The following KNL1 variants were observed in gnomAD, a reference collection of about 807,000 sequenced individuals.
KNL1 encodes kinetochore scaffold 1.
KNL1 carries 66 observed loss-of-function variants against 201.3 expected under a neutral mutation model. That is an observed-to-expected ratio of 0.33 (90% confidence interval 0.27 to 0.40). KNL1 has a LOEUF of 0.40. KNL1 is among the 10% of genes least tolerant of loss of function. KNL1 has a pLI of 1.00. For missense variants in KNL1, 2,815 were observed against 2,690.5 expected (o/e 1.05, Z -1.02); for synonymous variants, 895 against 899.2 (o/e 1.00, Z 0.08).
rs1567022435 is a variant in KNL1, at chr15:40,654,896, T to TG, written c.6416-11dup. The TG allele has an allele frequency of 1.2e-6, 2 of 1,604,872 alleles. No individual in the cohort carries two copies. Among genetic ancestry groups the TG allele is most frequent in the East Asian group, 4.5e-5 (2 of 44,842 alleles). ...AAAAAATTTTTAAAAATCATTATTCTGGTTCTTTCTAGTTGGTTTCCCTTT... is the reference window on the plus strand; with the variant it reads ...AAAAAATTTTTAAAAATCATTATTCTGGGTTCTTTCTAGTTGGTTTCCCTTT... On this transcript the variant is annotated splice_polypyrimidine_tract_variant and intron_variant, in intron 21 of 25. Coordinates refer to ENST00000399668, the MANE Select transcript of KNL1 (RefSeq NM_144508.5).
chr15:40,606,308 T>G, intron 3 of KNL1, 85 bp from the exon 4 acceptor site: 1 of 797,016 alleles, frequency 1.3e-6, no homozygotes. Flanking sequence ...AAATTTTAGC[T>G]TTCTACCTAT....
chr15:40,629,459 A>G, intron 13 of KNL1, 88 bp downstream of exon 13: 3 of 452,648 alleles, frequency 6.6e-6, no homozygotes, highest in East Asian at 1.5e-4. Context: ...AAATTTTCCT[A>G]TAGAGAGTTT....
At chr15:40,603,159 A>G (rs1412374115) in intron 2 of KNL1, among the ~76,000 whole-genome samples, 193 bp downstream of exon 2, 1 of 152,036 alleles carries the variant, frequency 6.6e-6, no homozygotes, top group Non-Finnish European at 1.5e-5. Context: ...TTACATATGT[A>G]TACATGTGCC....
At chr15:40,594,803 A>G (rs1891576415) in intron 1 of KNL1, among the ~76,000 whole-genome samples, 2 of 152,240 alleles carry the variant, frequency 1.3e-5, no homozygotes, top group Admixed American at 1.3e-4. Context: ...TTGGCTCTAA[A>G]TGAAGTGACA....
intron 1 of KNL1, among the ~76,000 whole-genome samples, chr15:40,597,000 C>CAAAAAA (rs35126045): frequency 1.1e-5 from 1 of 90,544 alleles, no homozygotes; most frequent in Non-Finnish European, 2.2e-5. Flanking sequence ...AACTCCATCT[C>CAAAAAA]AAAAAAAAAA....
chr15:40,639,234 C>T (rs576110354), intron 13 of KNL1, among the ~76,000 whole-genome samples: 11 of 148,364 alleles, frequency 7.4e-5, no homozygotes, highest in African/African-American at 2.7e-4. Context: ...GGAAGAGGAT[C>T]ACTTGATCTG....
intron 14 of KNL1, among the ~76,000 whole-genome samples, chr15:40,641,874 G>GTTTA (rs1893239731): frequency 1.3e-5 from 2 of 152,160 alleles, no homozygotes; most frequent in Non-Finnish European, 2.9e-5. Flanking sequence ...GTAGAAGATA[G>GTTTA]CTCATTGCTA....
intron 6 of KNL1, 59 bp downstream of exon 6, chr15:40,610,356 A>G (rs950033892): frequency 1.3e-5 from 11 of 841,018 alleles, no homozygotes; most frequent in Non-Finnish European, 2.0e-5. Flanking sequence ...TACTGTAGCT[A>G]TCTAACCAGA....
intron 7 of KNL1, among the ~76,000 whole-genome samples, chr15:40,612,417 G>A (rs971425562): frequency 2.0e-5 from 3 of 151,796 alleles, no homozygotes; most frequent in African/African-American, 4.8e-5. Context: ...GCTTGAACCC[G>A]GGAGGCGGAG....
intron 8 of KNL1, among the ~76,000 whole-genome samples, chr15:40,616,592 C>G (rs966150192): frequency 6.6e-6 from 1 of 152,202 alleles, no homozygotes; most frequent in African/African-American, 2.4e-5. Context: ...TCCTAAATGT[C>G]TTGAAAATCG....
intron 17 of KNL1, among the ~76,000 whole-genome samples, chr15:40,649,967 G>A (rs1419873813): frequency 6.6e-6 from 1 of 151,994 alleles, no homozygotes; most frequent in Admixed American, 6.6e-5. Context: ...GCAGGAATCA[G>A]CTCTTCTTTT....
At chr15:40,634,547 A>G (rs983903141) in intron 13 of KNL1, among the ~76,000 whole-genome samples, 5 of 152,168 alleles carry the variant, frequency 3.3e-5, no homozygotes, top group African/African-American at 4.8e-5. Flanking sequence ...TAAATCAAGG[A>G]TAGAAATTGG....
intron 17 of KNL1, among the ~76,000 whole-genome samples, chr15:40,649,436 C>T (rs1893489033): frequency 6.6e-6 from 1 of 151,338 alleles, no homozygotes; most frequent in East Asian, 1.9e-4. Context: ...GCTGGGATTA[C>T]AGGCATGCAC....
chr15:40,622,227 G>A lies in KNL1; in HGVS notation c.1963G>A (p.Asp655Asn), dbSNP rs1352446774. The A allele has an allele frequency of 6.2e-7, 1 of 1,613,922 alleles. No homozygotes were observed. Among genetic ancestry groups the A allele is most frequent in the African/African-American group, 1.3e-5 (1 of 74,926 alleles). ...GAAGATTTTGCCCTACCTTGATAAA[G>A]ATTCTCCTCAGTCAGCTGATTGTAA... ...VLKILPYLDK[D>N]SPQSADCNQE... The change falls in exon 10 of 26, where the codon GAT becomes AAT. Residue 655 changes from aspartate to asparagine, a missense_variant. Transcript: ENST00000399668.
At chr15:40,653,968 T>G (rs2141762263) in intron 21 of KNL1, among the ~76,000 whole-genome samples, 2 of 152,340 alleles carry the variant, frequency 1.3e-5, no homozygotes, top group South Asian at 4.1e-4. Context: ...GTTCTTGCTT[T>G]CTGTGGTTTT....
chr15:40,611,127 CAG>C (rs1892145056), intron 6 of KNL1, among the ~76,000 whole-genome samples: 2 of 146,422 alleles, frequency 1.4e-5, no homozygotes, highest in African/African-American at 5.1e-5. Context: ...TTTTTTGAGA[CAG>C]AGTCTTGCTT....
chr15:40,623,195 A>C lies in KNL1; in HGVS notation c.2931A>C (p.Leu977=). The change falls in exon 10 of 26, where the codon CTA becomes CTC. Residue 977 remains leucine (L), a synonymous_variant. Coordinates refer to ENST00000399668, the MANE Select transcript of KNL1 (RefSeq NM_144508.5). The part of the protein sequence containing the change: ...KERTDRPNFE[L]SQRKSLGTPT... ...GAACAGACAGACCTAACTTTGAACT[A>C]TCCCAAAGGAAAAGCCTAGGAACAC... 6.2e-7 allele frequency: 1 copy of C among 1,614,000 alleles called. No homozygotes were observed. Among genetic ancestry groups the C allele is most frequent in the Non-Finnish European group, 8.5e-7 (1 of 1,179,914 alleles).
rs200665424 is a variant in KNL1 at position 40,642,401 on chromosome 15, C to CAA, written c.5798+1387_5798+1388dup. ...TGGGCCAAAGAGCGAGACTCTGTCTCAAAAAAAAAAAAAAGAATTACGTAG... is the reference window on the plus strand; with the variant it reads ...TGGGCCAAAGAGCGAGACTCTGTCTCAAAAAAAAAAAAAAAAGAATTACGTAG... On this transcript the variant is annotated intron_variant, in intron 14 of 25. Transcript: ENST00000399668. Among the ~76,000 whole-genome samples, 196 of 106,292 alleles carry CAA rather than the reference C, an allele frequency of 1.8e-3. 1 individual carries two copies. In the East Asian group the frequency reaches 0.032, roughly 18 times the overall value. 69.7% of individuals were successfully genotyped at this position (106,292 alleles called of 152,430 possible).
In KNL1 at chr15:40,623,487, A is replaced by G; in HGVS notation, c.3223A>G (p.Thr1075Ala). 6.2e-7 allele frequency: 1 copy of G among 1,612,200 alleles called. No homozygotes were observed. The highest frequency in any genetic ancestry group is 2.2e-5 in the East Asian group (1 of 44,874). ...RKSLKLKNDK[T>A]IVFSENHKND... ...AAGCCTTAAGCTAAAAAATGACAAG[A>G]CCATTGTATTTTCAGAGAATCATAA... Residue 1075 changes from threonine (T) to alanine (A), a missense_variant, in exon 10 of 26, where the codon ACC (threonine) becomes GCC (alanine). Thr to Ala is a moderately conservative substitution (Grantham distance 58). This residue lies in a region of KNL1 where 2,464 missense variants were observed against 2,291.7 expected (regional missense o/e 1.08). Transcript: ENST00000399668.
Sources: gnomAD v4.1 joint callset for allele counts (sites outside exome capture counted in the v4.1 genomes callset) on GRCh38, gnomAD v4.1.1 for gene constraint, gnomAD v4.1.1 regional missense constraint, MANE v1.5 for transcripts, NCBI Gene and HGNC (gene_info 2026-07-23, HGNC 2026-07-21) for gene names.